The following AQP9 variants were observed in gnomAD, a reference collection of about 807,000 sequenced individuals.
The protein encoded by AQP9 is aquaporin-9.
AQP9 carries 19 observed loss-of-function variants against 23.8 expected under a neutral mutation model. The ratio of observed to expected loss-of-function variants is 0.80; its 90% CI spans 0.56 to 1.17. AQP9 has a LOEUF of 1.17. AQP9 is among the 50% of genes most tolerant of loss of function. The probability of loss-of-function intolerance (pLI) is 0.00; values close to 1 mark genes in which losing one functional copy is unlikely to be tolerated. For missense variants in AQP9, 413 were observed against 362.0 expected, an observed-to-expected ratio of 1.14 and a Z score of -1.14; for synonymous variants, 153 against 131.5, an observed-to-expected ratio of 1.16 and a Z score of -1.12.
intron 1 of AQP9, among the ~76,000 whole-genome samples, chr15:58,156,903 A>C (rs1372885029): frequency 6.6e-6 from 1 of 152,140 alleles, no homozygotes; most frequent in Non-Finnish European, 1.5e-5. Context: ...TACCCTACAT[A>C]TGTCCTCAGG....
intron 1 of AQP9, among the ~76,000 whole-genome samples, chr15:58,158,767 T>C (rs1566984589): frequency 6.6e-6 from 1 of 152,184 alleles, no homozygotes; most frequent in Non-Finnish European, 1.5e-5. Context: ...ATAGAAGACA[T>C]GTTATTTTTT....
chr15:58,157,444 A>G (rs78463842), intron 1 of AQP9, among the ~76,000 whole-genome samples: 2,129 of 152,298 alleles, frequency 0.014, 47 homozygotes, highest in African/African-American at 0.049. Context: ...GCTAAATAAA[A>G]TGTAATAAAG....
chr15:58,156,795 T>C (rs1334483029), intron 1 of AQP9, among the ~76,000 whole-genome samples: 2 of 152,184 alleles, frequency 1.3e-5, no homozygotes, highest in African/African-American at 2.4e-5. Context: ...AATCTCTAGG[T>C]TGGCCACTTC....
intron 1 of AQP9, among the ~76,000 whole-genome samples, chr15:58,160,419 T>C (rs533459034): frequency 3.9e-5 from 6 of 152,298 alleles, no homozygotes; most frequent in African/African-American, 1.4e-4. Context: ...CCTTATCAGA[T>C]GGATAGGCCA....
intron 2 of AQP9, among the ~76,000 whole-genome samples, chr15:58,168,716 C>A (rs1166436028): frequency 5.9e-5 from 9 of 152,138 alleles, no homozygotes; most frequent in Admixed American, 5.9e-4. Flanking sequence ...TTTTGTCCAG[C>A]TTTTGCTGTG....
chr15:58,151,922 C>T (rs1231859244), intron 1 of AQP9: 4 of 152,118 alleles, frequency 2.6e-5, no homozygotes, highest in Non-Finnish European at 4.4e-5. Flanking sequence ...CTACCCCTTC[C>T]TCATATCCTT....
At position 58,184,008 on chromosome 15, in the gene AQP9, G is replaced by T; in HGVS notation, c.761G>T (p.Gly254Val). The T allele has an allele frequency of 6.2e-7, 1 of 1,614,124 alleles. No homozygotes were observed. Among genetic ancestry groups the T allele is most frequent in the East Asian group, 2.2e-5 (1 of 44,868 alleles). The change falls in exon 6 of 6, where the codon GGT becomes GTT. Residue 254 changes from glycine to valine, a missense_variant. By Grantham distance (109) the Gly-to-Val change is moderately radical. Transcript: ENST00000219919. ...ATTCCTGTAGTGGGCCCTTTGGTTG[G>T]TGCTGTCATTGGAGGCCTCATCTAT... The part of the protein sequence containing the change: ...WWIPVVGPLV[G>V]AVIGGLIYVL...
intron 4 of AQP9, among the ~76,000 whole-genome samples, chr15:58,177,352 A>T (rs1206948890): frequency 2.6e-5 from 4 of 152,200 alleles, no homozygotes; most frequent in Non-Finnish European, 4.4e-5. Flanking sequence ...AAGTAAGTAG[A>T]TACTCTTTTG....
intron 1 of AQP9, among the ~76,000 whole-genome samples, chr15:58,142,478 T>TCC (rs1262170516): frequency 1.3e-5 from 2 of 152,140 alleles, no homozygotes; most frequent in Non-Finnish European, 2.9e-5. Context: ...GGTGGGGATA[T>TCC]TTTACAGGAG....
chr15:58,181,782 A>C (rs1288130184), intron 5 of AQP9, among the ~76,000 whole-genome samples: 1 of 152,170 alleles, frequency 6.6e-6, no homozygotes, highest in African/African-American at 2.4e-5. Context: ...TCATCCTATA[A>C]GACTGATTGA....
At chr15:58,169,527 G>A (rs763124792) in intron 2 of AQP9, among the ~76,000 whole-genome samples, 4 of 152,270 alleles carry the variant, frequency 2.6e-5, no homozygotes, top group African/African-American at 9.6e-5. Context: ...CTTTCTCATC[G>A]TGGCTGCAGC....
intron 1 of AQP9, chr15:58,152,090 A>G (rs1193332430): frequency 1.3e-5 from 2 of 152,158 alleles, no homozygotes; most frequent in African/African-American, 4.8e-5. Context: ...ATAATTGCCC[A>G]TGGAGTCACT....
intron 1 of AQP9, among the ~76,000 whole-genome samples, chr15:58,148,574 C>G (rs550981360): frequency 6.6e-6 from 1 of 152,278 alleles, no homozygotes; most frequent in East Asian, 1.9e-4. Flanking sequence ...TCAGCAACCC[C>G]CACTCACACA....
At chr15:58,171,678 G>A (rs1377753326) in intron 2 of AQP9, among the ~76,000 whole-genome samples, 1 of 152,220 alleles carries the variant, frequency 6.6e-6, no homozygotes, top group African/African-American at 2.4e-5. Flanking sequence ...AGTGGCAGGG[G>A]CAGGTGAAGA....
chr15:58,173,336 T>A, intron 3 of AQP9, 131 bp downstream of exon 3: 1 of 1,345,256 alleles, frequency 7.4e-7, no homozygotes, highest in Non-Finnish European at 1.0e-6. Flanking sequence ...AGTTCTAAAT[T>A]TGAGAAAATG....
chr15:58,174,072 C>A lies in AQP9; in HGVS notation c.377-846C>A, dbSNP rs1458435401. On this transcript the variant is annotated intron_variant, in intron 3 of 5. Transcript: ENST00000219919. Reference sequence around the variant, plus strand: ...GCATAAGTGGGAGGATCGTTTGAGCCCAGTAGTTCAAGACCAGCCTGGGCA... The same window carrying A: ...GCATAAGTGGGAGGATCGTTTGAGCACAGTAGTTCAAGACCAGCCTGGGCA... Among the ~76,000 whole-genome samples, 4 of 151,890 alleles carry A rather than the reference C, an allele frequency of 2.6e-5. No homozygotes were observed. In the South Asian group the frequency reaches 6.2e-4, roughly 24 times the overall value.
chr15:58,146,708 A>G (rs1595727664), intron 1 of AQP9: 1 of 151,936 alleles, frequency 6.6e-6, no homozygotes, highest in Non-Finnish European at 1.5e-5. Context: ...TAAGGTGTGG[A>G]TTTGTTCTTC....
At chr15:58,147,499 C>T (rs983459310) in intron 1 of AQP9, among the ~76,000 whole-genome samples, 5 of 152,124 alleles carry the variant, frequency 3.3e-5, no homozygotes, top group Non-Finnish European at 1.5e-5. Context: ...CTAAGCAAAG[C>T]AAGTGATTTA....
intron 2 of AQP9, among the ~76,000 whole-genome samples, chr15:58,167,126 T>C (rs1231430599): frequency 1.3e-5 from 2 of 152,200 alleles, no homozygotes; most frequent in Non-Finnish European, 2.9e-5. Flanking sequence ...AACTCCCAGA[T>C]ACCCTGTAAA....
Sources: allele counts gnomAD v4.1 joint callset (sites outside exome capture counted in the v4.1 genomes callset), GRCh38; gene constraint gnomAD v4.1.1; transcripts MANE v1.5; gene names NCBI Gene and HGNC (gene_info 2026-07-23, HGNC 2026-07-21).